The following PDE10A variants were observed in gnomAD, a reference collection of about 807,000 sequenced individuals.
The protein encoded by PDE10A is phosphodiesterase 10A.
PDE10A carries 39 observed loss-of-function variants against 97.7 expected under a neutral mutation model. That is an observed-to-expected ratio of 0.40 (90% CI 0.31 to 0.52). The LOEUF (loss-of-function observed/expected upper bound fraction) is 0.52. Ranked by LOEUF, PDE10A falls within the 20% of genes least tolerant of loss-of-function variation. The pLI, the probability that PDE10A is intolerant of heterozygous loss-of-function variation, is 0.56. For missense variants in PDE10A, 731 were observed against 1,047.8 expected (o/e 0.70, Z 4.17); for synonymous variants, 371 against 376.8 (o/e 0.98, Z 0.18).
intron 1 of PDE10A, chr6:165,781,967 T>C (rs1778351527): frequency 6.6e-6 from 1 of 152,224 alleles, no homozygotes; most frequent in Non-Finnish European, 1.5e-5. Flanking sequence ...ACAACATTTT[T>C]GGTTGTGACA....
At chr6:165,506,242 T>C (rs1019194243) in intron 2 of PDE10A, among the ~76,000 whole-genome samples, 29 of 152,302 alleles carry the variant, frequency 1.9e-4, no homozygotes, top group African/African-American at 7.0e-4. Flanking sequence ...AATCAATTTT[T>C]TGAATACACG....
At chr6:165,494,546 T>G (rs1244842091) in intron 2 of PDE10A, among the ~76,000 whole-genome samples, 1 of 149,370 alleles carries the variant, frequency 6.7e-6, no homozygotes, top group Non-Finnish European at 1.5e-5. Context: ...ATTTATTTAT[T>G]TATTTAATAA....
intron 1 of PDE10A, among the ~76,000 whole-genome samples, chr6:165,749,254 T>TCAA (rs1792921061): frequency 1.4e-5 from 1 of 70,612 alleles, no homozygotes; most frequent in African/African-American, 5.2e-5. Flanking sequence ...ATCACCATCA[T>TCAA]CACCATTACC....
At chr6:165,348,595 T>C (rs755300934) in intron 18 of PDE10A, among the ~76,000 whole-genome samples, 6 of 152,224 alleles carry the variant, frequency 3.9e-5, no homozygotes, top group Non-Finnish European at 5.9e-5. Flanking sequence ...TCACAGATGA[T>C]TGGTGGCCCT....
At chr6:165,774,483 A>G (rs1057480204) in intron 1 of PDE10A, among the ~76,000 whole-genome samples, 1 of 148,082 alleles carries the variant, frequency 6.8e-6, no homozygotes, top group South Asian at 2.1e-4. Flanking sequence ...AATATATAAA[A>G]ATATGTATAG....
intron 1 of PDE10A, among the ~76,000 whole-genome samples, chr6:165,836,609 T>A (rs1346233326): frequency 2.6e-5 from 4 of 152,228 alleles, no homozygotes; most frequent in Non-Finnish European, 5.9e-5. Context: ...GAATCCTGCC[T>A]CGGGGCAGTG....
At chr6:165,695,836 A>C (rs1791430202) in intron 1 of PDE10A, among the ~76,000 whole-genome samples, 2 of 152,144 alleles carry the variant, frequency 1.3e-5, no homozygotes. Context: ...GAGGTCAGAA[A>C]AAATATCGAA....
At chr6:165,472,521 T>A (rs1477503895) in intron 3 of PDE10A, among the ~76,000 whole-genome samples, 2 of 152,140 alleles carry the variant, frequency 1.3e-5, no homozygotes, top group East Asian at 3.9e-4. Flanking sequence ...TAAATTTGTT[T>A]TGGGTTTTCT....
intron 1 of PDE10A, among the ~76,000 whole-genome samples, chr6:165,822,131 T>C (rs1269761517): frequency 6.6e-6 from 1 of 152,238 alleles, no homozygotes; most frequent in Non-Finnish European, 1.5e-5. Flanking sequence ...CGGGGACATA[T>C]TCTGAGAAAT....
intron 18 of PDE10A, among the ~76,000 whole-genome samples, chr6:165,374,384 A>C (rs1160804281): frequency 6.6e-6 from 1 of 151,990 alleles, no homozygotes; most frequent in Non-Finnish European, 1.5e-5. Context: ...GTTTTTTGAA[A>C]ATCTAATGTA....
At chr6:165,980,100 A>G (rs989786311) in intron 1 of PDE10A, among the ~76,000 whole-genome samples, 25 of 152,204 alleles carry the variant, frequency 1.6e-4, no homozygotes, top group Non-Finnish European at 3.7e-4. Flanking sequence ...CCTAAAATCC[A>G]TCATAGGTGT....
intron 16 of PDE10A, among the ~76,000 whole-genome samples, chr6:165,389,095 T>C (rs576124594): frequency 6.6e-6 from 1 of 152,110 alleles, no homozygotes; most frequent in East Asian, 1.9e-4. Context: ...AGTAACAACA[T>C]AAACTTGAAG....
At chr6:165,778,586 G>T (rs187829484) in intron 1 of PDE10A, among the ~76,000 whole-genome samples, 1 of 152,152 alleles carries the variant, frequency 6.6e-6, no homozygotes, top group Non-Finnish European at 1.5e-5. Flanking sequence ...TGGAGTTGCT[G>T]CCCCTGGGCT....
chr6:165,469,868 T>C (rs771447207), intron 3 of PDE10A, among the ~76,000 whole-genome samples: 5 of 152,164 alleles, frequency 3.3e-5, no homozygotes, highest in Non-Finnish European at 7.4e-5. Context: ...TTTTGGACCA[T>C]TCAAAGCCCA....
At chr6:165,816,846 G>A (rs906814048) in intron 1 of PDE10A, among the ~76,000 whole-genome samples, 1 of 152,090 alleles carries the variant, frequency 6.6e-6, no homozygotes, top group African/African-American at 2.4e-5. Context: ...TTTCTGTTGG[G>A]GAAGTGCTGG....
At chr6:165,767,127 CT>C (rs1307203843) in intron 1 of PDE10A, among the ~76,000 whole-genome samples, 72 of 152,214 alleles carry the variant, frequency 4.7e-4, no homozygotes, top group African/African-American at 1.7e-3. Flanking sequence ...GACACTTGTT[CT>C]AATCAGATTT....
intron 2 of PDE10A, among the ~76,000 whole-genome samples, chr6:165,484,706 G>A (rs745760874): frequency 9.9e-5 from 15 of 152,214 alleles, no homozygotes; most frequent in Non-Finnish European, 1.6e-4. Flanking sequence ...CATCTGGCTG[G>A]TGGCAGGCTT....
intron 1 of PDE10A, among the ~76,000 whole-genome samples, chr6:165,763,321 G>GTGTT (rs1050015751): frequency 6.6e-6 from 1 of 152,182 alleles, no homozygotes; most frequent in South Asian, 2.1e-4. Flanking sequence ...TTGAGATTCT[G>GTGTT]TGTTTGTTTG....
At chr6:165,625,845 T>A (rs1788360602) in intron 1 of PDE10A, among the ~76,000 whole-genome samples, 1 of 152,214 alleles carries the variant, frequency 6.6e-6, no homozygotes, top group South Asian at 2.1e-4. Context: ...TATGTCTTTA[T>A]CAACAGCATG....
Sources: gnomAD v4.1 joint callset for allele counts (sites outside exome capture counted in the v4.1 genomes callset) on GRCh38, gnomAD v4.1.1 for gene constraint, MANE v1.5 for transcripts, NCBI Gene and HGNC (gene_info 2026-07-23, HGNC 2026-07-21) for gene names.